The following CNTNAP2 variants were observed in gnomAD, a reference collection of about 807,000 sequenced individuals.
CNTNAP2 encodes the protein contactin associated protein 2.
CNTNAP2 carries 98 observed loss-of-function variants against 155.2 expected under a neutral mutation model. That is an observed-to-expected ratio of 0.63 (90% CI 0.54 to 0.75). CNTNAP2 has a LOEUF of 0.75. Ranked by LOEUF, CNTNAP2 falls within the 30% of genes least tolerant of loss-of-function variation. The pLI is 0.00. For synonymous variants in CNTNAP2, 651 were observed against 631.2 expected, an observed-to-expected ratio of 1.03 and a Z score of -0.47; for missense variants, 1,727 against 1,688.1, an observed-to-expected ratio of 1.02 and a Z score of -0.40.
intron 21 of CNTNAP2, among the ~76,000 whole-genome samples, chr7:148,338,810 G>T (rs1798169635): frequency 6.6e-6 from 1 of 152,166 alleles, no homozygotes; most frequent in Non-Finnish European, 1.5e-5. Context: ...AGAGGAGGGA[G>T]TGAGAGAAGA....
At chr7:147,728,818 G>T (rs1796687342) in intron 13 of CNTNAP2, among the ~76,000 whole-genome samples, 3 of 151,700 alleles carry the variant, frequency 2.0e-5, no homozygotes, top group Admixed American at 6.6e-5. Flanking sequence ...TGGGCCTAGA[G>T]CCAAGGAAAA....
intron 16 of CNTNAP2, among the ~76,000 whole-genome samples, chr7:148,130,330 T>C (rs191201209): frequency 1.5e-4 from 23 of 152,332 alleles, no homozygotes; most frequent in Admixed American, 9.2e-4. Context: ...CTACTAGTCA[T>C]AAAAGGCAGC....
intron 1 of CNTNAP2, among the ~76,000 whole-genome samples, chr7:146,343,945 T>G (rs957035580): frequency 6.6e-6 from 1 of 152,080 alleles, no homozygotes; most frequent in Non-Finnish European, 1.5e-5. Context: ...ATGAACAATA[T>G]AAATATTTTA....
chr7:147,173,326 GC>G (rs1802269600), intron 8 of CNTNAP2, among the ~76,000 whole-genome samples: 1 of 151,578 alleles, frequency 6.6e-6, no homozygotes, highest in South Asian at 2.1e-4. Flanking sequence ...TCCTCCAGAT[GC>G]CATTGCCATT....
rs1003475691 is a variant in CNTNAP2, at chr7:146,662,372, G to C, written c.98-111899G>C. ...AGGCTGGCCTCCACTCCGGACCTCA[G>C]TTGATCCGCCCACCTCGGCCTCCCA... On this transcript the variant is annotated intron_variant, in intron 1 of 23. Coordinates refer to ENST00000361727, the MANE Select transcript of CNTNAP2 (RefSeq NM_014141.6). 4.0e-4 allele frequency among the ~76,000 whole-genome samples: 61 copies of C among 152,074 alleles called. 1 individual carries two copies. Among genetic ancestry groups the C allele is most frequent in the Non-Finnish European group, 5.6e-4 (38 of 68,012 alleles).
chr7:147,419,966 G>A (rs1797261308), intron 10 of CNTNAP2, among the ~76,000 whole-genome samples: 1 of 152,014 alleles, frequency 6.6e-6, no homozygotes, highest in Non-Finnish European at 1.5e-5. Context: ...TTTCCTTCCC[G>A]ACCCAGACAT....
chr7:148,178,195 C>G (rs986269547), intron 18 of CNTNAP2, among the ~76,000 whole-genome samples: 11 of 152,192 alleles, frequency 7.2e-5, no homozygotes, highest in Admixed American at 4.6e-4. Context: ...ACAAAGATAT[C>G]TCCAAATTCA....
At chr7:146,852,275 C>G (rs1283132482) in intron 3 of CNTNAP2, among the ~76,000 whole-genome samples, 5 of 152,100 alleles carry the variant, frequency 3.3e-5, no homozygotes, top group South Asian at 4.1e-4. Flanking sequence ...TAAGGATGAT[C>G]TTGTAAGAAA....
intron 14 of CNTNAP2, among the ~76,000 whole-genome samples, chr7:147,933,539 AGATAT>A (rs1217678172): frequency 2.0e-5 from 2 of 101,064 alleles, no homozygotes; most frequent in African/African-American, 2.7e-5. Context: ...ATAGATAGAT[AGATAT>A]AACAGAATAT....
At chr7:147,543,638 C>A (rs138674791) in intron 11 of CNTNAP2, among the ~76,000 whole-genome samples, 433 of 152,280 alleles carry the variant, frequency 2.8e-3, no homozygotes, top group African/African-American at 9.8e-3. Context: ...TATTCCCAAG[C>A]ACTTCTACCC....
chr7:146,358,317 A>C (rs1456881429), intron 1 of CNTNAP2, among the ~76,000 whole-genome samples: 1 of 152,130 alleles, frequency 6.6e-6, no homozygotes, highest in African/African-American at 2.4e-5. Flanking sequence ...TACAGGCGTG[A>C]GCCACCTCGC....
At chr7:148,077,935 A>G (rs768982267) in intron 15 of CNTNAP2, among the ~76,000 whole-genome samples, 13 of 152,208 alleles carry the variant, frequency 8.5e-5, no homozygotes, top group Non-Finnish European at 1.5e-4. Context: ...ACTCCTTCTC[A>G]TACAAAGTCT....
At chr7:148,224,311 T>C (rs2116769334) in intron 19 of CNTNAP2, among the ~76,000 whole-genome samples, 1 of 152,284 alleles carries the variant, frequency 6.6e-6, no homozygotes, top group East Asian at 1.9e-4. Context: ...ACTATTTTAA[T>C]GCTATTGGGT....
chr7:148,031,215 CTCCCGGG>C (rs1236377213), intron 15 of CNTNAP2, among the ~76,000 whole-genome samples: 1 of 152,122 alleles, frequency 6.6e-6, no homozygotes, highest in Non-Finnish European at 1.5e-5. Flanking sequence ...AAAGGGATAG[CTCCCGGG>C]TCCTTAAGAA....
At chr7:147,890,431 A>G (rs946697099) in intron 13 of CNTNAP2, among the ~76,000 whole-genome samples, 3 of 152,242 alleles carry the variant, frequency 2.0e-5, no homozygotes, top group Admixed American at 2.0e-4. Context: ...GAAACAGCAT[A>G]GAAGTTCCTC....
intron 12 of CNTNAP2, among the ~76,000 whole-genome samples, chr7:147,615,064 G>A (rs1801254865): frequency 6.8e-6 from 1 of 146,936 alleles, no homozygotes; most frequent in Admixed American, 6.9e-5. Context: ...AGCAGCCTAG[G>A]CAACATAGGG....
At chr7:147,625,225 T>A (rs11543728) in intron 12 of CNTNAP2, among the ~76,000 whole-genome samples, 1 of 152,126 alleles carries the variant, frequency 6.6e-6, no homozygotes, top group Non-Finnish European at 1.5e-5. Flanking sequence ...ATAACTTAAT[T>A]GTACATTTTA....
intron 4 of CNTNAP2, among the ~76,000 whole-genome samples, chr7:147,080,295 A>G (rs1800095404): frequency 6.6e-6 from 1 of 152,146 alleles, no homozygotes; most frequent in Admixed American, 6.6e-5. Context: ...TCCAACGTAA[A>G]CATGTCATTT....
intron 3 of CNTNAP2, among the ~76,000 whole-genome samples, chr7:146,895,223 T>G (rs1225581430): frequency 6.6e-6 from 1 of 150,868 alleles, no homozygotes; most frequent in Non-Finnish European, 1.5e-5. Context: ...TCCTTTTCCT[T>G]CCTTCCTTTT....
Sources: gnomAD v4.1 joint callset for allele counts (sites outside exome capture counted in the v4.1 genomes callset) on GRCh38, gnomAD v4.1.1 for gene constraint, MANE v1.5 for transcripts, NCBI Gene and HGNC (gene_info 2026-07-23, HGNC 2026-07-21) for gene names.